The following ST6GAL1 variants were observed in gnomAD, a reference collection of about 807,000 sequenced individuals.
The protein encoded by ST6GAL1 is beta-galactoside alpha-2,6-sialyltransferase 1.
Under a neutral mutation model 38.0 loss-of-function variants are expected in ST6GAL1, and 20 were observed. That is an observed-to-expected ratio of 0.53 (90% CI 0.37 to 0.77). ST6GAL1 has a LOEUF of 0.77. Ranked by LOEUF, ST6GAL1 falls within the 30% of genes least tolerant of loss-of-function variation. ST6GAL1 has a pLI of 0.00. For synonymous variants in ST6GAL1, 196 were observed against 188.2 expected (o/e 1.04, Z -0.34); for missense variants, 432 against 496.4 (o/e 0.87, Z 1.23).
chr3:186,957,691 C>G (rs1194979953), intron 1 of ST6GAL1, among the ~76,000 whole-genome samples: 8 of 151,980 alleles, frequency 5.3e-5, no homozygotes, highest in East Asian at 1.9e-4. Flanking sequence ...AATCCTCCCC[C>G]CAACCAAATG....
At chr3:187,022,638 G>A (rs560884933) in intron 2 of ST6GAL1, among the ~76,000 whole-genome samples, 1 of 152,310 alleles carries the variant, frequency 6.6e-6, no homozygotes, top group African/African-American at 2.4e-5. Context: ...GAAAGGCCTA[G>A]CAAGGGAAGA....
At chr3:187,057,911 C>T (rs540960276) in intron 5 of ST6GAL1, among the ~76,000 whole-genome samples, 1 of 152,324 alleles carries the variant, frequency 6.6e-6, no homozygotes, top group Non-Finnish European at 1.5e-5. Flanking sequence ...GTGGAGTCTA[C>T]AGAGGCAGCA....
intron 2 of ST6GAL1, among the ~76,000 whole-genome samples, chr3:187,001,904 C>T (rs1442224370): frequency 1.3e-5 from 2 of 149,376 alleles, no homozygotes; most frequent in Non-Finnish European, 3.0e-5. Flanking sequence ...TGCAGTGAGC[C>T]GAGATCACGC....
At chr3:187,014,370 T>C (rs1238564551) in intron 2 of ST6GAL1, among the ~76,000 whole-genome samples, 1 of 152,232 alleles carries the variant, frequency 6.6e-6, no homozygotes, top group East Asian at 1.9e-4. Flanking sequence ...TTGGTCCCCT[T>C]TAGTTTTTTC....
intron 2 of ST6GAL1, among the ~76,000 whole-genome samples, chr3:187,027,601 T>A (rs1456857883): frequency 6.6e-6 from 1 of 152,192 alleles, no homozygotes; most frequent in Non-Finnish European, 1.5e-5. Context: ...CCGGCCCCCC[T>A]TCTTGCCCCG....
At chr3:186,937,267 C>A (rs540895559) in intron 1 of ST6GAL1, among the ~76,000 whole-genome samples, 23 of 152,184 alleles carry the variant, frequency 1.5e-4, no homozygotes, top group African/African-American at 5.5e-4. Context: ...TGTGTGGGCC[C>A]CTGGGATCTG....
At chr3:187,000,866 A>T (rs973631322) in intron 2 of ST6GAL1, among the ~76,000 whole-genome samples, 1 of 152,236 alleles carries the variant, frequency 6.6e-6, no homozygotes, top group Non-Finnish European at 1.5e-5. Flanking sequence ...TTTGCTATTA[A>T]TCACCAGCAT....
In ST6GAL1 at chr3:187,077,146, G is replaced by A. The variant is rs961656359; in HGVS notation, c.*1343G>A. 3 of 397,114 alleles carry A rather than the reference G, an allele frequency of 7.6e-6. No individual in the cohort carries two copies. Among genetic ancestry groups the A allele is most frequent in the Non-Finnish European group, 1.3e-5 (3 of 225,484 alleles). 24.6% of individuals were successfully genotyped at this position (397,114 alleles called of 1,614,324 possible). A position where few individuals can be genotyped will look rare whatever the true frequency, so the allele number is the denominator to read the frequency against. Reference sequence around the variant, plus strand: ...AGATCAGAACTGATTCTCACCAGGTGTGAGAGGTGTGGTAGCAGATTGCAA... The same window carrying A: ...AGATCAGAACTGATTCTCACCAGGTATGAGAGGTGTGGTAGCAGATTGCAA... On this transcript the variant is annotated 3_prime_UTR_variant, in exon 8 of 8. Coordinates refer to ENST00000169298, the MANE Select transcript of ST6GAL1 (RefSeq NM_173216.2).
intron 4 of ST6GAL1, among the ~76,000 whole-genome samples, chr3:187,044,703 GC>G (rs1453865761): frequency 1.4e-4 from 21 of 152,272 alleles, no homozygotes; most frequent in Non-Finnish European, 2.9e-4. Flanking sequence ...TGCGTGCCTG[GC>G]TGAAATTGTA....
At chr3:187,013,224 C>T (rs1045306790) in intron 2 of ST6GAL1, among the ~76,000 whole-genome samples, 1 of 152,206 alleles carries the variant, frequency 6.6e-6, no homozygotes, top group African/African-American at 2.4e-5. Flanking sequence ...GAAATAACAG[C>T]ACTGTCTGGA....
chr3:187,028,265 A>G (rs1225300871), intron 2 of ST6GAL1, among the ~76,000 whole-genome samples: 2 of 152,220 alleles, frequency 1.3e-5, no homozygotes, highest in Non-Finnish European at 2.9e-5. Context: ...GGCTCAATAT[A>G]TGACTTCTCT....
intron 1 of ST6GAL1, among the ~76,000 whole-genome samples, chr3:186,943,881 G>A (rs1050934203): frequency 6.6e-6 from 1 of 152,274 alleles, no homozygotes; most frequent in African/African-American, 2.4e-5. Context: ...CCATGTCTCA[G>A]CCTCCACTTC....
chr3:187,070,942 G>A (rs1165122042), intron 5 of ST6GAL1, among the ~76,000 whole-genome samples: 1 of 152,180 alleles, frequency 6.6e-6, no homozygotes, highest in Non-Finnish European at 1.5e-5. Flanking sequence ...AAGATATATT[G>A]AGGAAATGAG....
At chr3:187,065,656 G>A (rs1719077774) in intron 5 of ST6GAL1, among the ~76,000 whole-genome samples, 1 of 152,184 alleles carries the variant, frequency 6.6e-6, no homozygotes, top group South Asian at 2.1e-4. Context: ...AGACCCAGTG[G>A]CTTCCTTGGA....
intron 4 of ST6GAL1, among the ~76,000 whole-genome samples, chr3:187,047,640 C>G (rs1718345761): frequency 6.6e-6 from 1 of 152,078 alleles, no homozygotes; most frequent in Non-Finnish European, 1.5e-5. Context: ...CCTCGCTAGG[C>G]TTGTTTGCTG....
intron 2 of ST6GAL1, among the ~76,000 whole-genome samples, chr3:187,023,954 G>A (rs901289582): frequency 4.7e-5 from 7 of 150,182 alleles, no homozygotes; most frequent in African/African-American, 1.2e-4. Flanking sequence ...TACAGGCCCC[G>A]GGGCCACCAC....
chr3:187,069,860 C>G (rs77623636), intron 5 of ST6GAL1, among the ~76,000 whole-genome samples: 1 of 152,198 alleles, frequency 6.6e-6, no homozygotes, highest in Non-Finnish European at 1.5e-5. Context: ...CACATCCCCC[C>G]ACACTAGCTT....
chr3:187,059,672 G>A (rs181428040), intron 5 of ST6GAL1, among the ~76,000 whole-genome samples: 74 of 152,286 alleles, frequency 4.9e-4, no homozygotes, highest in African/African-American at 1.8e-3. Context: ...TTGTTGTGAG[G>A]TGTAAATAAG....
intron 1 of ST6GAL1, among the ~76,000 whole-genome samples, chr3:186,947,904 CTG>C (rs1288380645): frequency 1.3e-5 from 2 of 152,356 alleles, no homozygotes; most frequent in Non-Finnish European, 2.9e-5. Context: ...CCACAGGTGT[CTG>C]TGAAAATGTT....
Sources: allele counts gnomAD v4.1 joint callset (sites outside exome capture counted in the v4.1 genomes callset), GRCh38; gene constraint gnomAD v4.1.1; transcripts MANE v1.5; gene names NCBI Gene and HGNC (gene_info 2026-07-23, HGNC 2026-07-21).